Variants in PRKN observed in about 807,000 individuals in gnomAD.
PRKN encodes parkin RBR E3 ubiquitin protein ligase, also known as E3 ubiquitin-protein ligase parkin.
Under a neutral mutation model 59.5 loss-of-function variants are expected in PRKN, and 56 were observed. That is an observed-to-expected ratio of 0.94 (90% confidence interval 0.76 to 1.18). The LOEUF is 1.18. Ranked by LOEUF, PRKN falls within the 50% of genes most tolerant of loss-of-function variation. PRKN has a pLI of 0.00. For synonymous variants in PRKN, 250 were observed against 222.1 expected (o/e 1.13, Z -1.12); for missense variants, 657 against 596.4 (o/e 1.10, Z -1.06).
Position 161,407,101 on chromosome 6 carries a change from G to A in PRKN, c.1084-20224C>T, listed in dbSNP as rs1787310678. Among the ~76,000 whole-genome samples, 1 of 152,098 alleles carries A rather than the reference G, an allele frequency of 6.6e-6. No homozygotes were observed. Among genetic ancestry groups the A allele is most frequent in the Admixed American group, 6.5e-5 (1 of 15,268 alleles). On this transcript the variant is annotated intron_variant, in intron 9 of 11. Coordinates refer to ENST00000366898, the MANE Select transcript of PRKN (RefSeq NM_004562.3). The surrounding 1 kb of genome is among the most constrained non-coding windows in gnomAD (Gnocchi z 4.9). Reference sequence around the variant, plus strand: ...ATATTTACATAAAAGCCTCTATAATGAGTATGCTATATTTGTCATTAAAAT... The same window carrying A: ...ATATTTACATAAAAGCCTCTATAATAAGTATGCTATATTTGTCATTAAAAT...
chr6:161,600,665 A>C (rs956650742), intron 7 of PRKN, among the ~76,000 whole-genome samples: 1 of 152,318 alleles, frequency 6.6e-6, no homozygotes, highest in African/African-American at 2.4e-5. Context: ...ACCTCAGTTA[A>C]ACTTTTTACC....
chr6:161,477,231 G>T (rs1313471753), intron 9 of PRKN, among the ~76,000 whole-genome samples: 2 of 152,198 alleles, frequency 1.3e-5, no homozygotes, highest in East Asian at 1.9e-4. Context: ...AAAATAATGG[G>T]ACTTGGCCAG....
intron 1 of PRKN, among the ~76,000 whole-genome samples, chr6:162,560,943 C>T (rs1019591695): frequency 6.8e-6 from 1 of 147,450 alleles, no homozygotes; most frequent in African/African-American, 2.5e-5. Context: ...TAACAGAGAT[C>T]ATTTCCAGGT....
intron 4 of PRKN, among the ~76,000 whole-genome samples, chr6:162,058,409 G>T (rs1777953658): frequency 6.6e-6 from 1 of 152,138 alleles, no homozygotes; most frequent in Admixed American, 6.5e-5. Context: ...TCGCCTCCAG[G>T]GACAAGGTGA....
chr6:162,021,150 ATATATATATATATAT>A (rs1783154952), intron 5 of PRKN, among the ~76,000 whole-genome samples: 2 of 16,052 alleles, frequency 1.2e-4, no homozygotes, highest in African/African-American at 4.1e-4. Flanking sequence ...ATATATATAT[ATATATATATATATAT>A]AAAATATATG....
At chr6:161,424,299 T>C (rs905002951) in intron 9 of PRKN, among the ~76,000 whole-genome samples, 4 of 143,108 alleles carry the variant, frequency 2.8e-5, no homozygotes, top group Non-Finnish European at 6.0e-5. Flanking sequence ...ATCATACCAC[T>C]GCACTCTGGT....
At chr6:162,033,827 CTTGT>C (rs1353524105) in intron 5 of PRKN, among the ~76,000 whole-genome samples, 13 of 152,216 alleles carry the variant, frequency 8.5e-5, no homozygotes, top group Non-Finnish European at 1.8e-4. Context: ...TCTTTTCTAT[CTTGT>C]TTATTTATTA....
intron 1 of PRKN, among the ~76,000 whole-genome samples, chr6:162,702,030 T>C (rs577029327): frequency 6.6e-6 from 1 of 152,282 alleles, no homozygotes; most frequent in African/African-American, 2.4e-5. Flanking sequence ...AACAATAGTA[T>C]ATTGTTTTTG....
chr6:161,595,188 C>T (rs1781870168), intron 7 of PRKN, among the ~76,000 whole-genome samples: 1 of 152,010 alleles, frequency 6.6e-6, no homozygotes, highest in African/African-American at 2.4e-5. Context: ...ATTCTTGCAC[C>T]CATGTATTAC....
chr6:162,415,277 A>C (rs139810854), intron 2 of PRKN, among the ~76,000 whole-genome samples: 1 of 152,146 alleles, frequency 6.6e-6, no homozygotes, highest in Non-Finnish European at 1.5e-5. Flanking sequence ...GTGTCACACC[A>C]CTTTGTTTAA....
At position 162,350,780 on chromosome 6, in the gene PRKN, A is replaced by AT. The variant is rs35683462; in HGVS notation, c.172-88016dup. Reference sequence around the variant, plus strand: ...GTTAAGAAAACACTTTTTAGCTAAGATCCCCAAAGCATGACCAAAAAAAAG... The same window carrying AT: ...GTTAAGAAAACACTTTTTAGCTAAGATTCCCCAAAGCATGACCAAAAAAAAG... On this transcript the variant is annotated intron_variant, in intron 2 of 11. Coordinates refer to ENST00000366898, the MANE Select transcript of PRKN (RefSeq NM_004562.3). 2.8e-3 allele frequency among the ~76,000 whole-genome samples: 423 copies of AT among 152,296 alleles called. 1 individual carries two copies. The highest frequency in any genetic ancestry group is 3.7e-3 in the Non-Finnish European group (251 of 68,030).
At chr6:162,006,803 G>A (rs1782274887) in intron 5 of PRKN, among the ~76,000 whole-genome samples, 1 of 152,050 alleles carries the variant, frequency 6.6e-6, no homozygotes, top group Non-Finnish European at 1.5e-5. Flanking sequence ...TCTCCATCAT[G>A]GCACTTATTG....
At chr6:162,335,177 C>T (rs1225604626) in intron 2 of PRKN, among the ~76,000 whole-genome samples, 1 of 150,740 alleles carries the variant, frequency 6.6e-6, no homozygotes, top group African/African-American at 2.5e-5. Flanking sequence ...CCACGTTTGG[C>T]TACTTTTTTT....
At chr6:161,774,498 C>A (rs190089665) in intron 7 of PRKN, among the ~76,000 whole-genome samples, 1 of 152,128 alleles carries the variant, frequency 6.6e-6, no homozygotes, top group Admixed American at 6.5e-5. Flanking sequence ...AAGTGACATG[C>A]TCCATTTGCA....
intron 4 of PRKN, among the ~76,000 whole-genome samples, chr6:162,076,858 T>C (rs79757941): frequency 0.045 from 6,819 of 152,268 alleles, 230 homozygotes; most frequent in Middle Eastern, 0.099. Context: ...AATAAGCTCT[T>C]GATTATAAAT....
chr6:162,640,916 G>T (rs1161058844), intron 1 of PRKN, among the ~76,000 whole-genome samples: 1 of 152,094 alleles, frequency 6.6e-6, no homozygotes, highest in Non-Finnish European at 1.5e-5. Flanking sequence ...TTGCTTGATG[G>T]TAAGACTCAT....
At chr6:162,052,839 T>C (rs549147517) in intron 5 of PRKN, among the ~76,000 whole-genome samples, 5 of 151,972 alleles carry the variant, frequency 3.3e-5, no homozygotes, top group South Asian at 4.2e-4. Flanking sequence ...CAAGATTCTA[T>C]GTATGTATAT....
chr6:161,787,030 T>A (rs1790447742), intron 6 of PRKN, among the ~76,000 whole-genome samples: 1 of 152,158 alleles, frequency 6.6e-6, no homozygotes, highest in Admixed American at 6.5e-5. Context: ...ATTTTAATAG[T>A]AAGAAAGTTA....
At chr6:161,875,804 A>T (rs1562357731) in intron 6 of PRKN, among the ~76,000 whole-genome samples, 2 of 152,222 alleles carry the variant, frequency 1.3e-5, no homozygotes, top group African/African-American at 4.8e-5. Flanking sequence ...AAAGTGAGAC[A>T]CAGGATCTTG....
Sources: gnomAD v4.1 joint callset for allele counts (sites outside exome capture counted in the v4.1 genomes callset) on GRCh38, gnomAD v4.1.1 for gene constraint, Gnocchi (gnomAD v3.1) non-coding constraint, MANE v1.5 for transcripts, NCBI Gene and HGNC (gene_info 2026-07-23, HGNC 2026-07-21) for gene names.